The following MMS22L variants were observed in gnomAD, a reference collection of about 807,000 sequenced individuals.
The protein encoded by MMS22L is MMS22 like, DNA repair protein, also known as protein MMS22-like.
In MMS22L, 74 loss-of-function variants were observed where a neutral mutation model predicts 159.1. The observed-to-expected ratio is 0.47, with a 90% confidence interval of 0.39 to 0.56. The LOEUF (loss-of-function observed/expected upper bound fraction) is 0.56, where lower values mean the gene tolerates loss of function less well. Ranked by LOEUF, MMS22L falls within the 20% of genes least tolerant of loss-of-function variation. The probability of loss-of-function intolerance (pLI) is 0.00; values close to 1 mark genes in which losing one functional copy is unlikely to be tolerated. For missense variants in MMS22L, 1,351 were observed against 1,422.1 expected (o/e 0.95, Z 0.80); for synonymous variants, 517 against 506.9 (o/e 1.02, Z -0.27).
At chr6:97,219,655 C>T (rs1313722434) in intron 14 of MMS22L, among the ~76,000 whole-genome samples, 2 of 152,152 alleles carry the variant, frequency 1.3e-5, no homozygotes, top group Non-Finnish European at 2.9e-5. Flanking sequence ...TAAGATTGCA[C>T]TGTTGGTAAA....
chr6:97,147,579 T>C (rs1800978707), intron 24 of MMS22L, among the ~76,000 whole-genome samples: 1 of 152,316 alleles, frequency 6.6e-6, no homozygotes, highest in South Asian at 2.1e-4. Context: ...ACAGCCTCTC[T>C]AGTTTTTTCA....
At chr6:97,190,626 G>A (rs538161216) in intron 14 of MMS22L, among the ~76,000 whole-genome samples, 4 of 152,274 alleles carry the variant, frequency 2.6e-5, no homozygotes, top group South Asian at 4.1e-4. Context: ...CATGCAAAGT[G>A]TTTTATAAGC....
chr6:97,184,591 C>G (rs1206542764), intron 15 of MMS22L, among the ~76,000 whole-genome samples: 2 of 152,058 alleles, frequency 1.3e-5, no homozygotes, highest in African/African-American at 2.4e-5. Context: ...ACCCTTAATT[C>G]CTCTCTTTAT....
chr6:97,206,382 T>TACACACACAC (rs58135635), intron 14 of MMS22L, among the ~76,000 whole-genome samples: 192 of 146,820 alleles, frequency 1.3e-3, no homozygotes, highest in East Asian at 6.2e-3. Flanking sequence ...ACCTCGCATG[T>TACACACACAC]ACACACACAC....
intron 10 of MMS22L, among the ~76,000 whole-genome samples, chr6:97,251,871 C>T (rs951501774): frequency 1.3e-5 from 2 of 151,842 alleles, no homozygotes; most frequent in African/African-American, 4.8e-5. Context: ...ATCACGAGGT[C>T]AGAAGATCAA....
In MMS22L at chr6:97,178,554, C is replaced by A; in HGVS notation, c.2568G>T (p.Leu856=). 1 of 1,551,294 alleles carries A rather than the reference C, an allele frequency of 6.4e-7. No homozygotes were observed. Among genetic ancestry groups the A allele is most frequent in the Non-Finnish European group, 8.8e-7 (1 of 1,135,138 alleles). The change falls in exon 18 of 25, where the codon CTG becomes CTT. Residue 856 remains leucine, a synonymous_variant. Coordinates refer to ENST00000683635, the MANE Select transcript of MMS22L (RefSeq NM_001350599.2). The part of the protein sequence containing the change: ...EKEYMKQLVK[L]TRLLFNLSEV... ...CTGAGAGATTAAATAGTAATCTTGT[C>A]AGTTTGACCAACTGTTTCATGTACT...
At position 97,174,422 on chromosome 6, in the gene MMS22L, CAAAGG is replaced by C. The variant is rs1803913490; in HGVS notation, c.2680-1205_2680-1201del. Among the ~76,000 whole-genome samples, 3 of 151,842 alleles carry C rather than the reference CAAAGG, an allele frequency of 2.0e-5. No individual in the cohort carries two copies. The South Asian group carries it at 6.2e-4, about 32-fold the overall frequency. On this transcript the variant is annotated intron_variant, in intron 18 of 24. Coordinates refer to ENST00000683635, the MANE Select transcript of MMS22L (RefSeq NM_001350599.2). ...CTTCTGCAGCACTCAGCATGTAAGA[CAAAGG>C]AAAGAGAAGAGGTGGTTGCACTGAG...
At chr6:97,200,236 A>G in intron 14 of MMS22L, among the ~76,000 whole-genome samples, 1 of 152,282 alleles carries the variant, frequency 6.6e-6, no homozygotes, top group South Asian at 2.1e-4. Flanking sequence ...CAGTAAATAA[A>G]TTTCTTAATT....
chr6:97,169,936 C>A (rs1036591351), intron 19 of MMS22L, among the ~76,000 whole-genome samples: 2 of 151,964 alleles, frequency 1.3e-5, no homozygotes, highest in Non-Finnish European at 2.9e-5. Flanking sequence ...AGTTTAGTTG[C>A]CCGTGGTATA....
At chr6:97,271,730 G>C (rs1374820722) in intron 6 of MMS22L, 1 of 152,130 alleles carries the variant, frequency 6.6e-6, no homozygotes, top group African/African-American at 2.4e-5. Context: ...GGAATGCAGT[G>C]GTGCAATCAT....
At chr6:97,219,637 T>C (rs1165749451) in intron 14 of MMS22L, among the ~76,000 whole-genome samples, 1 of 152,182 alleles carries the variant, frequency 6.6e-6, no homozygotes, top group African/African-American at 2.4e-5. Flanking sequence ...AAAGATTAAG[T>C]AACTTCCTAA....
Position 97,155,654 on chromosome 6 carries a change from T to C in MMS22L, c.3386-3787A>G, listed in dbSNP as rs368594527. Among the ~76,000 whole-genome samples, 13 of 152,338 alleles carry C rather than the reference T, an allele frequency of 8.5e-5. No individual in the cohort carries two copies. The East Asian group carries it at 2.3e-3, about 27-fold the overall frequency. The stretch of plus-strand genomic sequence containing the variant: ...CAAAGGACATGAACTCATCCTTTTT[T>C]ATGGCTGCATAGTATTCCATGGTGT... On this transcript the variant is annotated intron_variant, in intron 22 of 24. Transcript: ENST00000683635.
At chr6:97,168,495 A>T (rs1012297445) in intron 19 of MMS22L, among the ~76,000 whole-genome samples, 1 of 152,110 alleles carries the variant, frequency 6.6e-6, no homozygotes, top group Non-Finnish European at 1.5e-5. Context: ...ACACTGGTTA[A>T]GTATCCCTAA....
chr6:97,269,375 C>T (rs1275083062), intron 7 of MMS22L, among the ~76,000 whole-genome samples: 9 of 152,064 alleles, frequency 5.9e-5, no homozygotes. Flanking sequence ...CTACGATGTG[C>T]CACTCTACTT....
intron 18 of MMS22L, 47 bp from the exon 19 acceptor site, chr6:97,173,269 T>C: frequency 6.4e-7 from 1 of 1,559,648 alleles, no homozygotes; most frequent in Non-Finnish European, 8.7e-7. Context: ...GTTTATACCA[T>C]AAAGATTTGG....
chr6:97,215,190 A>AT (rs1345112442), intron 14 of MMS22L, among the ~76,000 whole-genome samples: 2 of 150,268 alleles, frequency 1.3e-5, no homozygotes, highest in African/African-American at 2.4e-5. Flanking sequence ...AACAAGGAGG[A>AT]TTTTTTCTTT....
At chr6:97,282,685 G>A (rs974704092) in intron 1 of MMS22L, 132 bp from the exon 2 acceptor site, 8 of 500,976 alleles carry the variant, frequency 1.6e-5, no homozygotes, top group African/African-American at 3.9e-5. Flanking sequence ...CTCGCCCTCC[G>A]TCCATCAAGG....
chr6:97,237,711 G>A (rs1582741433), intron 11 of MMS22L, among the ~76,000 whole-genome samples: 1 of 152,122 alleles, frequency 6.6e-6, no homozygotes, highest in African/African-American at 2.4e-5. Context: ...CTTAGGGAAA[G>A]ACATTTAGCT....
chr6:97,180,140 T>C (rs1024745792), intron 16 of MMS22L, among the ~76,000 whole-genome samples: 2 of 152,092 alleles, frequency 1.3e-5, no homozygotes, highest in African/African-American at 4.8e-5. Flanking sequence ...CTCGCTCTGT[T>C]GCCCAGGCTG....
Sources: gnomAD v4.1 joint callset for allele counts (sites outside exome capture counted in the v4.1 genomes callset) on GRCh38, gnomAD v4.1.1 for gene constraint, MANE v1.5 for transcripts, NCBI Gene and HGNC (gene_info 2026-07-23, HGNC 2026-07-21) for gene names.